The following ENTHD1 variants were observed in gnomAD, a reference collection of about 807,000 sequenced individuals.
ENTHD1 encodes ENTH domain-containing protein 1.
Under a neutral mutation model 39.1 loss-of-function variants are expected in ENTHD1, and 23 were observed. That is an observed-to-expected ratio of 0.59 (90% CI 0.42 to 0.83). ENTHD1 has a LOEUF of 0.83. Ranked by LOEUF, ENTHD1 falls within the 40% of genes least tolerant of loss-of-function variation. The pLI is 0.00. For missense variants in ENTHD1, 624 were observed against 705.4 expected, an observed-to-expected ratio of 0.88 and a Z score of 1.31; for synonymous variants, 230 against 258.2, an observed-to-expected ratio of 0.89 and a Z score of 1.05.
chr22:39,856,113 A>G (rs977045073), intron 3 of ENTHD1, among the ~76,000 whole-genome samples: 1 of 152,070 alleles, frequency 6.6e-6, no homozygotes, highest in Non-Finnish European at 1.5e-5. Context: ...CGTCTCTACT[A>G]AAAATACAAA....
At chr22:39,865,922 C>T (rs953194554) in intron 2 of ENTHD1, among the ~76,000 whole-genome samples, 4 of 152,194 alleles carry the variant, frequency 2.6e-5, no homozygotes, top group East Asian at 1.9e-4. Context: ...CTAGGAAATG[C>T]TTGCATTTTC....
chr22:39,783,620 T>A (rs1447937786), intron 5 of ENTHD1, among the ~76,000 whole-genome samples: 1 of 150,362 alleles, frequency 6.7e-6, no homozygotes, highest in Non-Finnish European at 1.5e-5. Flanking sequence ...CATCTTTGGC[T>A]GTAAAAGGTG....
In ENTHD1 at chr22:39,862,562, AAG is replaced by A. The variant is rs1555941891; in HGVS notation, c.350-557_350-556del. On this transcript the variant is annotated intron_variant, in intron 2 of 6. Coordinates refer to ENST00000325157, the MANE Select transcript of ENTHD1 (RefSeq NM_152512.4). ...ACTCTGTCTCAAAAAAAAAAAAAAAAAGAAAGAAAAAGCAATAATACTTTGCA... is the reference window on the plus strand; with the variant it reads ...ACTCTGTCTCAAAAAAAAAAAAAAAAAAAGAAAAAGCAATAATACTTTGCA... Among the ~76,000 whole-genome samples the A allele has an allele frequency of 2.0e-3, 292 of 142,878 alleles. 1 individual carries two copies. The highest frequency in any genetic ancestry group is 8.0e-3 in the African/African-American group (268 of 33,508). The allele number at this position is 142,878 out of a possible 152,430, so 93.7% of individuals were successfully genotyped here.
At chr22:39,786,959 G>A (rs779258549) in intron 5 of ENTHD1, among the ~76,000 whole-genome samples, 3 of 151,972 alleles carry the variant, frequency 2.0e-5, no homozygotes, top group Admixed American at 6.6e-5. Context: ...CAGATATTAC[G>A]GTTTTTCAAA....
intron 5 of ENTHD1, among the ~76,000 whole-genome samples, chr22:39,775,028 G>A (rs906924962): frequency 6.6e-6 from 1 of 152,130 alleles, no homozygotes; most frequent in Non-Finnish European, 1.5e-5. Context: ...CCTCCTTAGT[G>A]AAATATTTTA....
chr22:39,792,932 C>CT (rs2065516461), intron 5 of ENTHD1, among the ~76,000 whole-genome samples: 1 of 152,018 alleles, frequency 6.6e-6, no homozygotes, highest in Non-Finnish European at 1.5e-5. Flanking sequence ...GATTTTCTTG[C>CT]TTTTGGATAA....
chr22:39,818,676 T>C (rs1206541020), intron 5 of ENTHD1, among the ~76,000 whole-genome samples: 2 of 152,190 alleles, frequency 1.3e-5, no homozygotes, highest in Non-Finnish European at 2.9e-5. Context: ...AAGATCTGCA[T>C]TTTAGCAAGA....
At chr22:39,822,003 T>C (rs2065786499) in intron 4 of ENTHD1, among the ~76,000 whole-genome samples, 2 of 152,234 alleles carry the variant, frequency 1.3e-5, no homozygotes, top group African/African-American at 4.8e-5. Context: ...GGAAAACAAG[T>C]ATTCAGACGA....
intron 5 of ENTHD1, among the ~76,000 whole-genome samples, chr22:39,767,097 G>A (rs981206290): frequency 6.6e-6 from 1 of 152,026 alleles, no homozygotes; most frequent in East Asian, 1.9e-4. Flanking sequence ...AGTCATCTTC[G>A]TGTCTCAGCA....
In ENTHD1 at chr22:39,889,735, A is replaced by T. The variant is rs189907392; in HGVS notation, c.-155-1832T>A. ...AAATAAACTATCACTTCTTTTTTTTAAAAAAATGAGATAACCTCTTTTTGG... is the reference window on the plus strand; with the variant it reads ...AAATAAACTATCACTTCTTTTTTTTTAAAAAATGAGATAACCTCTTTTTGG... On this transcript the variant is annotated intron_variant, in intron 1 of 6. Coordinates refer to ENST00000325157, the MANE Select transcript of ENTHD1 (RefSeq NM_152512.4). 3.6e-4 allele frequency among the ~76,000 whole-genome samples: 55 copies of T among 152,136 alleles called. 1 individual carries two copies. The East Asian group carries it at 5.0e-3, about 14-fold the overall frequency.
intron 4 of ENTHD1, among the ~76,000 whole-genome samples, chr22:39,831,740 C>T (rs1385042045): frequency 1.3e-5 from 2 of 151,888 alleles, no homozygotes; most frequent in African/African-American, 4.8e-5. Flanking sequence ...GCAGGAGAAT[C>T]GCTTGAACCC....
chr22:39,779,776 G>A (rs150612106), intron 5 of ENTHD1, among the ~76,000 whole-genome samples: 1,851 of 152,282 alleles, frequency 0.012, 20 homozygotes, highest in Non-Finnish European at 0.02. Flanking sequence ...AAGTCAAAAT[G>A]TGGAGGGGAT....
At chr22:39,853,781 G>A (rs913355991) in intron 3 of ENTHD1, among the ~76,000 whole-genome samples, 3 of 152,176 alleles carry the variant, frequency 2.0e-5, no homozygotes, top group African/African-American at 7.2e-5. Flanking sequence ...CACCATGTTG[G>A]CCGGGCTGGT....
chr22:39,757,404 G>A (rs1045212224), intron 6 of ENTHD1, among the ~76,000 whole-genome samples: 6 of 151,828 alleles, frequency 4.0e-5, no homozygotes, highest in Admixed American at 3.9e-4. Flanking sequence ...CAAGGAGCTG[G>A]GACCACAAGG....
intron 5 of ENTHD1, among the ~76,000 whole-genome samples, chr22:39,790,696 G>T (rs1281398665): frequency 2.6e-5 from 4 of 152,196 alleles, no homozygotes; most frequent in Non-Finnish European, 4.4e-5. Flanking sequence ...TCCCAGGTTA[G>T]AATCAGACCC....
At chr22:39,850,583 T>G (rs887343490) in intron 3 of ENTHD1, among the ~76,000 whole-genome samples, 3 of 152,296 alleles carry the variant, frequency 2.0e-5, no homozygotes, top group African/African-American at 4.8e-5. Flanking sequence ...ACTTTTTAAT[T>G]TCCATTTGTT....
chr22:39,791,129 TA>T (rs2065500148), intron 5 of ENTHD1, among the ~76,000 whole-genome samples: 1 of 150,306 alleles, frequency 6.7e-6, no homozygotes, highest in African/African-American at 2.4e-5. Context: ...TTTAATATCC[TA>T]ATACATATAG....
At chr22:39,771,138 G>C (rs713973) in intron 5 of ENTHD1, among the ~76,000 whole-genome samples, 137,006 of 152,168 alleles carry the variant, frequency 0.9, 61,807 homozygotes, top group East Asian at 0.99. Context: ...ATTAAATTCT[G>C]TGTATTGTAT....
chr22:39,846,261 C>T (rs1000714603), intron 3 of ENTHD1, among the ~76,000 whole-genome samples: 42 of 152,264 alleles, frequency 2.8e-4, no homozygotes, highest in South Asian at 2.1e-4. Context: ...AGTGCAGTGG[C>T]GTGATCACAG....
Sources: allele counts gnomAD v4.1 joint callset (sites outside exome capture counted in the v4.1 genomes callset), GRCh38; gene constraint gnomAD v4.1.1; transcripts MANE v1.5; gene names NCBI Gene and HGNC (gene_info 2026-07-23, HGNC 2026-07-21).